FYN: variants seen among roughly 807,000 people sequenced by gnomAD.
FYN encodes FYN proto-oncogene, Src family tyrosine kinase.
A neutral mutation model predicts 70.2 loss-of-function variants in FYN; 10 were observed. The observed-to-expected ratio is 0.14, with a 90% confidence interval of 0.09 to 0.24. The LOEUF (loss-of-function observed/expected upper bound fraction) is 0.24. Among genes scored for constraint, FYN ranks in the 10% least tolerant of loss-of-function variants. The probability of loss-of-function intolerance (pLI) is 1.00; values close to 1 mark genes in which losing one functional copy is unlikely to be tolerated. For missense variants in FYN, 319 were observed against 673.1 expected (o/e 0.47, Z 5.82); for synonymous variants, 236 against 248.6 (o/e 0.95, Z 0.48).
In FYN at chr6:111,873,209, G is replaced by A. The variant is rs894512045; in HGVS notation, c.-364C>T. On this transcript the variant is annotated 5_prime_UTR_variant, in exon 1 of 14. Coordinates refer to ENST00000354650, the MANE Select transcript of FYN (RefSeq NM_002037.5). ...CTTTGTGTGCGCCCGGGCGGTCCTCGGTGCGCTGGGAGAAGCGCGGCGCGC... is the reference window on the plus strand; with the variant it reads ...CTTTGTGTGCGCCCGGGCGGTCCTCAGTGCGCTGGGAGAAGCGCGGCGCGC... 6.7e-6 allele frequency: 1 copy of A among 148,440 alleles called. No homozygotes were observed. The highest frequency in any genetic ancestry group is 2.5e-5 in the African/African-American group (1 of 40,642). 9.2% of individuals were successfully genotyped at this position (148,440 alleles called of 1,614,324 possible).
At chr6:111,766,246 AATGGAGCTCAG>A (rs1159206381) in intron 3 of FYN, among the ~76,000 whole-genome samples, 5 of 152,200 alleles carry the variant, frequency 3.3e-5, no homozygotes, top group Non-Finnish European at 7.3e-5. Flanking sequence ...GCTGGTCAGC[AATGGAGCTCAG>A]ATGCAAGCAC....
intron 2 of FYN, among the ~76,000 whole-genome samples, chr6:111,823,342 A>C (rs1772732597): frequency 6.6e-6 from 1 of 152,202 alleles, no homozygotes. Context: ...CTATTTTTAA[A>C]GAAAAGCCAT....
At chr6:111,852,574 T>G (rs988733320) in intron 1 of FYN, among the ~76,000 whole-genome samples, 3 of 152,154 alleles carry the variant, frequency 2.0e-5, no homozygotes, top group African/African-American at 7.2e-5. Context: ...GTTATGGAAA[T>G]TATCTCATTT....
chr6:111,708,580 A>G (rs1465778826), intron 5 of FYN, among the ~76,000 whole-genome samples: 2 of 152,220 alleles, frequency 1.3e-5, no homozygotes, highest in Admixed American at 6.5e-5. Flanking sequence ...GCTCTCAAAA[A>G]GATGGGGAGA....
At chr6:111,760,287 C>G (rs567348792) in intron 3 of FYN, among the ~76,000 whole-genome samples, 1 of 152,176 alleles carries the variant, frequency 6.6e-6, no homozygotes, top group South Asian at 2.1e-4. Flanking sequence ...AGAGCAAACC[C>G]GCACTGCTTG....
intron 3 of FYN, among the ~76,000 whole-genome samples, chr6:111,762,002 A>G (rs1219518153): frequency 2.0e-5 from 3 of 152,086 alleles, no homozygotes; most frequent in Non-Finnish European, 4.4e-5. Context: ...TTTTTATGTG[A>G]AGAAATTGGT....
intron 3 of FYN, among the ~76,000 whole-genome samples, chr6:111,768,477 C>T (rs1281516410): frequency 6.6e-6 from 1 of 152,166 alleles, no homozygotes. Context: ...AATTTGTATA[C>T]AGTAAAATTC....
intron 3 of FYN, chr6:111,759,981 CCTT>C (rs999835653): frequency 2.6e-5 from 4 of 151,706 alleles, no homozygotes; most frequent in African/African-American, 9.7e-5. Flanking sequence ...CTGAGTACAG[CCTT>C]CATTTTTTTT....
At chr6:111,707,704 G>C (rs1190463011) in intron 6 of FYN, among the ~76,000 whole-genome samples, 1 of 152,120 alleles carries the variant, frequency 6.6e-6, no homozygotes, top group East Asian at 1.9e-4. Flanking sequence ...TTGATAGAAA[G>C]TTTTCTTTCA....
intron 1 of FYN, chr6:111,858,291 G>A (rs1228998156): frequency 2.6e-5 from 4 of 152,176 alleles, no homozygotes; most frequent in Admixed American, 2.6e-4. Context: ...TCACCTACCT[G>A]GGCCTTCTAT....
intron 3 of FYN, among the ~76,000 whole-genome samples, chr6:111,734,695 A>AC (rs1166731697): frequency 5.3e-5 from 8 of 150,788 alleles, no homozygotes; most frequent in African/African-American, 1.2e-4. Context: ...TGAAGAAACG[A>AC]CCCCCCCTAC....
In FYN at chr6:111,661,722, C is replaced by T. The variant is rs750151533; in HGVS notation, c.*17G>A. ...GGGCAGCCTCTGGGACAAGGCCTCT[C>T]TCCGCAGACCCGGGCCTTACAGGTT... On this transcript the variant is annotated 3_prime_UTR_variant, in exon 14 of 14. Coordinates refer to ENST00000354650, the MANE Select transcript of FYN (RefSeq NM_002037.5). The surrounding 1 kb of genome is among the most constrained non-coding windows in gnomAD (Gnocchi z 4.0). 6.2e-7 allele frequency: 1 copy of T among 1,607,496 alleles called. No individual in the cohort carries two copies. The highest frequency in any genetic ancestry group is 8.5e-7 in the Non-Finnish European group (1 of 1,175,704).
At chr6:111,692,209 G>C (rs1447906504) in intron 12 of FYN, among the ~76,000 whole-genome samples, 1 of 151,960 alleles carries the variant, frequency 6.6e-6, no homozygotes. Flanking sequence ...GAAGAAAAAT[G>C]TTTGAAGAAG....
chr6:111,719,779 T>C, intron 4 of FYN, 26 bp downstream of exon 4: 1 of 1,610,484 alleles, frequency 6.2e-7, no homozygotes, highest in Non-Finnish European at 8.5e-7. Context: ...GCCCCCTCTC[T>C]GCACTCTGTG....
At position 111,693,182 on chromosome 6, in the gene FYN, G is replaced by A. The variant is rs549446718; in HGVS notation, c.1273+1193C>T. Among the ~76,000 whole-genome samples the A allele has an allele frequency of 6.6e-5, 10 of 152,274 alleles. No homozygotes were observed. The South Asian group carries it at 1.5e-3, about 22-fold the overall frequency. ...CATTCTCAGATCAAATGAAGGGAGA[G>A]GATAATTGGCATGAAATGAAAGAAT... is the stretch of plus-strand genomic sequence containing the variant. On this transcript the variant is annotated intron_variant, in intron 12 of 13. Transcript: ENST00000354650.
At chr6:111,807,764 G>A (rs1257736386) in intron 2 of FYN, among the ~76,000 whole-genome samples, 1 of 152,152 alleles carries the variant, frequency 6.6e-6, no homozygotes, top group Non-Finnish European at 1.5e-5. Flanking sequence ...AGGGGGTTCT[G>A]AAGCACCCCC....
intron 1 of FYN, among the ~76,000 whole-genome samples, chr6:111,860,434 T>A (rs1006321995): frequency 3.3e-5 from 5 of 152,084 alleles, no homozygotes; most frequent in African/African-American, 7.2e-5. Context: ...ATCTCAAGTG[T>A]GTGGAAGGAA....
chr6:111,741,905 C>T (rs1023894673), intron 3 of FYN, among the ~76,000 whole-genome samples: 1 of 152,184 alleles, frequency 6.6e-6, no homozygotes, highest in Non-Finnish European at 1.5e-5. Context: ...GCTGGCTGTG[C>T]TGGTCCTGGG....
rs533701423 is a variant in FYN at position 111,715,626 on chromosome 6, G to C, written c.248-1183C>G. Reference sequence around the variant, plus strand: ...GGCGCCATGCTGGTGAGGCCCATGTGACCAAGAACTGAGGGTGGCCTCTGG... The same window carrying C: ...GGCGCCATGCTGGTGAGGCCCATGTCACCAAGAACTGAGGGTGGCCTCTGG... On this transcript the variant is annotated intron_variant, in intron 4 of 13. Transcript: ENST00000354650. Among the ~76,000 whole-genome samples the C allele has an allele frequency of 6.6e-5, 10 of 152,210 alleles. No individual in the cohort carries two copies. In the East Asian group the frequency reaches 1.9e-3, roughly 30 times the overall value.
Sources: gnomAD v4.1 joint callset for allele counts (sites outside exome capture counted in the v4.1 genomes callset) on GRCh38, gnomAD v4.1.1 for gene constraint, Gnocchi (gnomAD v3.1) non-coding constraint, MANE v1.5 for transcripts, NCBI Gene and HGNC (gene_info 2026-07-23, HGNC 2026-07-21) for gene names.